The following GLDC variants were observed in gnomAD, a reference collection of about 807,000 sequenced individuals.
The protein encoded by GLDC is glycine decarboxylase.
In GLDC, 104 loss-of-function variants were observed where a neutral mutation model predicts 121.3. The ratio of observed to expected loss-of-function variants is 0.86; its 90% CI spans 0.73 to 1.01. The LOEUF is 1.01. Ranked by LOEUF, GLDC falls within the 50% of genes least tolerant of loss-of-function variation. The pLI is 0.00. For missense variants in GLDC, 1,429 were observed against 1,306.6 expected (o/e 1.09, Z -1.44); for synonymous variants, 546 against 480.6 (o/e 1.14, Z -1.78).
chr9:6,587,119 A>G (rs370060742), intron 15 of GLDC, 22 bp downstream of exon 15: 18 of 1,603,184 alleles, frequency 1.1e-5, no homozygotes, highest in African/African-American at 5.4e-5. Flanking sequence ...TGCTGAAACA[A>G]TAAGAAAAGA....
rs142196991 is a variant in GLDC, at chr9:6,624,322, G to C, written c.335-4003C>G. ...ACCAAGTTAAAATGAGATCATGCTG[G>C]ATTAGGGTCAGCCGTAATCCAATGA... On this transcript the variant is annotated intron_variant, in intron 2 of 24. Coordinates refer to ENST00000321612, the MANE Select transcript of GLDC (RefSeq NM_000170.3). Among the ~76,000 whole-genome samples, 477 of 152,290 alleles carry C rather than the reference G, an allele frequency of 3.1e-3. 2 individuals are homozygous for C. Among genetic ancestry groups the C allele is most frequent in the African/African-American group, 0.011 (446 of 41,554 alleles).
intron 23 of GLDC, among the ~76,000 whole-genome samples, chr9:6,535,038 T>A (rs1438353067): frequency 6.6e-6 from 1 of 152,200 alleles, no homozygotes; most frequent in African/African-American, 2.4e-5. Flanking sequence ...GCTTCATCTT[T>A]TAGAAAAAAT....
At chr9:6,638,369 C>G (rs544589242) in intron 2 of GLDC, among the ~76,000 whole-genome samples, 1 of 152,182 alleles carries the variant, frequency 6.6e-6, no homozygotes, top group South Asian at 2.1e-4. Context: ...CATGCGCCAC[C>G]ACGCCCAGGT....
At chr9:6,593,523 A>T (rs1262506116) in intron 9 of GLDC, among the ~76,000 whole-genome samples, 1 of 151,816 alleles carries the variant, frequency 6.6e-6, no homozygotes, top group African/African-American at 2.4e-5. Flanking sequence ...GCTGGCCTTG[A>T]ACTCTGGGAC....
At chr9:6,636,835 G>C (rs188333737) in intron 2 of GLDC, among the ~76,000 whole-genome samples, 14 of 152,230 alleles carry the variant, frequency 9.2e-5, no homozygotes, top group Non-Finnish European at 1.8e-4. Context: ...TGTAATCCCA[G>C]CACTTTGGGA....
At position 6,592,140 on chromosome 9, in the gene GLDC, T is replaced by C; in HGVS notation, c.1482+3A>G. Reference sequence around the variant, plus strand: ...GAGGAACGCATGTTTTTATTTTACTTACTGCAGATGACTCACAACCAAAGA... The same window carrying C: ...GAGGAACGCATGTTTTTATTTTACTCACTGCAGATGACTCACAACCAAAGA... On this transcript the variant is annotated splice_donor_region_variant and intron_variant, in intron 11 of 24. Coordinates refer to ENST00000321612, the MANE Select transcript of GLDC (RefSeq NM_000170.3). 4 of 1,555,168 alleles carry C rather than the reference T, an allele frequency of 2.6e-6. No homozygotes were observed. The highest frequency in any genetic ancestry group is 3.6e-6 in the Non-Finnish European group (4 of 1,126,222).
chr9:6,624,554 G>C lies in GLDC; in HGVS notation c.335-4235C>G, dbSNP rs1819191806. Among the ~76,000 whole-genome samples the C allele has an allele frequency of 2.0e-5, 3 of 152,160 alleles. No individual in the cohort carries two copies. The South Asian group carries it at 6.2e-4, about 32-fold the overall frequency. On this transcript the variant is annotated intron_variant, in intron 2 of 24. Coordinates refer to ENST00000321612, the MANE Select transcript of GLDC (RefSeq NM_000170.3). ...GATTTCTGACTACGGAACTGGGAGT[G>C]AACAGGTTCCTGTTGTTTTAAGCCA... is the stretch of plus-strand genomic sequence containing the variant.
chr9:6,617,386 T>C (rs1818986680), intron 3 of GLDC, among the ~76,000 whole-genome samples: 1 of 152,214 alleles, frequency 6.6e-6, no homozygotes, highest in Non-Finnish European at 1.5e-5. Flanking sequence ...GTGAATATTC[T>C]TTATGGCCAC....
chr9:6,597,673 A>C (rs1441373150), intron 8 of GLDC, among the ~76,000 whole-genome samples: 1 of 152,242 alleles, frequency 6.6e-6, no homozygotes, highest in Non-Finnish European at 1.5e-5. Context: ...ATGGTGGCTA[A>C]CGCCTGTAAT....
rs1819734191 is a variant in GLDC, at chr9:6,645,682, C to G, written c.-183G>C. ...ATGGGCGCTGCGCTCAACCAAGACACTCGCGCAAAGTTGTGGCTCCACCCA... is the reference window on the plus strand; with the variant it reads ...ATGGGCGCTGCGCTCAACCAAGACAGTCGCGCAAAGTTGTGGCTCCACCCA... On this transcript the variant is annotated 5_prime_UTR_variant, in exon 1 of 25. Coordinates refer to ENST00000321612, the MANE Select transcript of GLDC (RefSeq NM_000170.3). 1 of 365,750 alleles carries G rather than the reference C, an allele frequency of 2.7e-6. No homozygotes were observed. Among genetic ancestry groups the G allele is most frequent in the Non-Finnish European group, 4.5e-6 (1 of 220,874 alleles). The allele number at this position is 365,750 out of a possible 1,614,324, so 22.7% of individuals were successfully genotyped here. A position where few individuals can be genotyped will look rare whatever the true frequency, so the allele number is the denominator to read the frequency against.
At chr9:6,576,548 C>T (rs1818069138) in intron 15 of GLDC, among the ~76,000 whole-genome samples, 1 of 152,098 alleles carries the variant, frequency 6.6e-6, no homozygotes, top group Non-Finnish European at 1.5e-5. Context: ...CTCACTGCAA[C>T]CTCTGCCTCC....
chr9:6,622,153 CACACAG>C (rs1279317933), intron 2 of GLDC, among the ~76,000 whole-genome samples: 3 of 107,522 alleles, frequency 2.8e-5, no homozygotes, highest in African/African-American at 1.4e-4. Flanking sequence ...CCACCACACA[CACACAG>C]ACACACACAC....
chr9:6,545,923 G>C (rs970631752), intron 21 of GLDC, among the ~76,000 whole-genome samples: 1 of 152,150 alleles, frequency 6.6e-6, no homozygotes, highest in East Asian at 1.9e-4. Flanking sequence ...TTATAGGCGT[G>C]AGCCACCATG....
At chr9:6,612,623 G>T (rs1818881950) in intron 3 of GLDC, among the ~76,000 whole-genome samples, 1 of 152,066 alleles carries the variant, frequency 6.6e-6, no homozygotes, top group Non-Finnish European at 1.5e-5. Flanking sequence ...CCAGCACGTT[G>T]GGAGGCTGAG....
chr9:6,644,619 G>A lies in GLDC; in HGVS notation c.329C>T (p.Pro110Leu), dbSNP rs371491621. Residue 110 changes from proline to leucine, a missense_variant, in exon 2 of 25, where the codon CCT (proline) becomes CTT (leucine). Pro to Leu is a moderately conservative substitution (Grantham distance 98). Transcript: ENST00000321612. ...GAGCCCTCCCGGCCACTTACAAACA[G>A]GGTCTTCCATTTTCAAGGGTCTTTT... ...RLKRPLKMED[P>L]VCENEILATL... 7 of 1,608,154 alleles carry A rather than the reference G, an allele frequency of 4.4e-6. No individual in the cohort carries two copies. The highest frequency in any genetic ancestry group is 1.1e-5 in the South Asian group (1 of 90,982).
In GLDC at chr9:6,645,291, G is replaced by A. The variant is rs776730073; in HGVS notation, c.209C>T (p.Pro70Leu). Residue 70 changes from proline to leucine, a missense_variant, in exon 1 of 25, where the codon CCT becomes CTT. Coordinates refer to ENST00000321612, the MANE Select transcript of GLDC (RefSeq NM_000170.3). ...HDDFARRHIG[P>L]GDKDQREMLQ... Reference sequence around the variant, plus strand: ...CATCTCTCTCTGGTCTTTGTCCCCAGGGCCGATGTGCCTCCGAGCGAAGTC... The same window carrying A: ...CATCTCTCTCTGGTCTTTGTCCCCAAGGCCGATGTGCCTCCGAGCGAAGTC... 1.2e-6 allele frequency: 2 copies of A among 1,602,844 alleles called. No individual in the cohort carries two copies. The highest frequency in any genetic ancestry group is 1.7e-6 in the Non-Finnish European group (2 of 1,175,448).
chr9:6,571,249 G>T (rs925409528), intron 15 of GLDC, among the ~76,000 whole-genome samples: 3 of 152,028 alleles, frequency 2.0e-5, no homozygotes, highest in Admixed American at 6.6e-5. Flanking sequence ...CCTCTTATCT[G>T]CAGGAAATAT....
intron 2 of GLDC, among the ~76,000 whole-genome samples, chr9:6,633,235 GCCT>G (rs1819428434): frequency 6.6e-6 from 1 of 152,034 alleles, no homozygotes; most frequent in Non-Finnish European, 1.5e-5. Flanking sequence ...ATATCCTTCT[GCCT>G]CTGATGACTT....
intron 11 of GLDC, 146 bp downstream of exon 11, chr9:6,591,997 A>G: frequency 1.5e-6 from 1 of 687,912 alleles, no homozygotes. Flanking sequence ...AGCAGTGACT[A>G]GCAAGGGATA....
Sources: allele counts gnomAD v4.1 joint callset (sites outside exome capture counted in the v4.1 genomes callset), GRCh38; gene constraint gnomAD v4.1.1; transcripts MANE v1.5; gene names NCBI Gene and HGNC (gene_info 2026-07-23, HGNC 2026-07-21).